Variants in ACTA2 observed in about 807,000 individuals in gnomAD.
The protein encoded by ACTA2 is actin, aortic smooth muscle.
A neutral mutation model predicts 39.5 loss-of-function variants in ACTA2; 12 were observed. That is an observed-to-expected ratio of 0.30 (90% confidence interval 0.19 to 0.49). The LOEUF is 0.49. Among genes scored for constraint, ACTA2 ranks in the 20% least tolerant of loss-of-function variants. ACTA2 has a pLI of 0.99. For synonymous variants in ACTA2, 158 were observed against 180.6 expected (o/e 0.88, Z 1.00); for missense variants, 236 against 498.8 (o/e 0.47, Z 5.02).
intron 3 of ACTA2, among the ~76,000 whole-genome samples, chr10:88,945,602 A>T (rs1845931691): frequency 6.6e-6 from 1 of 152,136 alleles, no homozygotes; most frequent in Non-Finnish European, 1.5e-5. Context: ...TCTTCTTCTC[A>T]TTAGCTCTTT....
intron 3 of ACTA2, among the ~76,000 whole-genome samples, chr10:88,944,211 C>T (rs2133262301): frequency 6.6e-6 from 1 of 152,258 alleles, no homozygotes; most frequent in South Asian, 2.1e-4. Context: ...CCAGCTCGGA[C>T]ACTTCTTAGT....
At chr10:88,950,602 A>G (rs1196795452) in intron 1 of ACTA2, among the ~76,000 whole-genome samples, 1 of 152,250 alleles carries the variant, frequency 6.6e-6, no homozygotes, top group Non-Finnish European at 1.5e-5. Flanking sequence ...AGGCTTAAGG[A>G]GTTGAAGTGA....
chr10:88,943,870 G>A lies in ACTA2; in HGVS notation c.296C>T (p.Ala99Val). The change falls in exon 4 of 9, where the codon GCC (alanine) becomes GTC (valine). Residue 99 changes from alanine (A) to valine (V), a missense_variant. Physicochemically the swap from Ala to Val is moderately conservative, Grantham distance 64. Transcript: ENST00000224784. Reference sequence around the variant, plus strand: ...GAGCAGGGTGGGATGCTCTTCAGGGGCAACACGAAGCTCATTGTAGAAAGA... The same window carrying A: ...GAGCAGGGTGGGATGCTCTTCAGGGACAACACGAAGCTCATTGTAGAAAGA... ...HHSFYNELRV[A>V]PEEHPTLLTE... 2.5e-6 allele frequency: 4 copies of A among 1,614,008 alleles called. No homozygotes were observed. Among genetic ancestry groups the A allele is most frequent in the Non-Finnish European group, 3.4e-6 (4 of 1,179,932 alleles).
At chr10:88,955,348 T>C (rs960949596), upstream of ACTA2, among the ~76,000 whole-genome samples, 9 of 152,242 alleles carry the variant, frequency 5.9e-5, no homozygotes, top group African/African-American at 2.2e-4. Context: ...AAATTGTTTT[T>C]TTCTAGACTG....
chr10:88,957,817 G>T (rs147632012), intron 1 of ACTA2, among the ~76,000 whole-genome samples: 1,527 of 152,120 alleles, frequency 0.01, 25 homozygotes, highest in African/African-American at 0.034. Flanking sequence ...ACCCAGGCTG[G>T]AGTGCAGTGG....
chr10:88,983,638 AACACACACAC>A lies in ACTA2; in HGVS notation c.-24+7291_-24+7300del, dbSNP rs755182708. 2.8e-4 allele frequency among the ~76,000 whole-genome samples: 29 copies of A among 102,880 alleles called. No individual in the cohort carries two copies. In the South Asian group the frequency reaches 8.7e-3, roughly 31 times the overall value. The allele number at this position is 102,880 out of a possible 152,430, so 67.5% of individuals were successfully genotyped here. A position where few individuals can be genotyped will look rare whatever the true frequency, so the allele number is the denominator to read the frequency against. On this transcript the variant is annotated intron_variant, in intron 1 of 4. Coordinates refer to the ACTA2 transcript ENST00000415557. Reference sequence around the variant, plus strand: ...AAAAAAAAAAAAAAAAAAAAAAAAAAACACACACACACACACACACACAAATGTTCTGGAC... The same window carrying A: ...AAAAAAAAAAAAAAAAAAAAAAAAAAACACACACACACAAATGTTCTGGAC...
At chr10:88,960,630 C>T (rs950541780) in intron 1 of ACTA2, among the ~76,000 whole-genome samples, 7 of 146,944 alleles carry the variant, frequency 4.8e-5, no homozygotes, top group African/African-American at 7.4e-5. Flanking sequence ...ACTGGTGGCC[C>T]GAAGGTTCCT....
chr10:88,968,771 C>T (rs568610581), intron 1 of ACTA2, among the ~76,000 whole-genome samples: 3 of 152,268 alleles, frequency 2.0e-5, no homozygotes, highest in South Asian at 4.1e-4. Context: ...TTGATATAGG[C>T]ATTTCTGTCC....
intron 3 of ACTA2, among the ~76,000 whole-genome samples, chr10:88,946,636 C>T (rs1845953274): frequency 6.6e-6 from 1 of 152,062 alleles, no homozygotes; most frequent in Admixed American, 6.5e-5. Context: ...AAGCGATCCT[C>T]CCACCTTGGC....
intron 4 of ACTA2, among the ~76,000 whole-genome samples, chr10:88,942,676 A>T (rs1845877249): frequency 1.3e-5 from 2 of 152,120 alleles, no homozygotes; most frequent in African/African-American, 4.8e-5. Flanking sequence ...CTCCATCTGT[A>T]AGACCCTTCC....
At chr10:88,987,118 G>C (rs1274683707) in intron 1 of ACTA2, among the ~76,000 whole-genome samples, 1 of 152,126 alleles carries the variant, frequency 6.6e-6, no homozygotes, top group African/African-American at 2.4e-5. Flanking sequence ...AATAGACTTT[G>C]TCACTTGGCC....
intron 1 of ACTA2, among the ~76,000 whole-genome samples, chr10:88,962,349 G>A (rs867728865): frequency 2.0e-5 from 3 of 152,168 alleles, no homozygotes; most frequent in Non-Finnish European, 2.9e-5. Context: ...CACAGCTCCA[G>A]TGCTTCCTGA....
chr10:88,990,861 G>A lies in ACTA2; in HGVS notation c.-24+78C>T, dbSNP rs1430682549. ...GTTGGGGAAGCTCTTTCACTTCGGA[G>A]GATTGCTCAACAACCATGCTGGGCA... On this transcript the variant is annotated intron_variant, in intron 1 of 4. Transcript: ENST00000415557. This position sits in a 1 kb window ranked among gnomAD's most constrained non-coding sequence, Gnocchi z 4.9. 1 of 1,614,126 alleles carries A rather than the reference G, an allele frequency of 6.2e-7. No individual in the cohort carries two copies. The highest frequency in any genetic ancestry group is 8.5e-7 in the Non-Finnish European group (1 of 1,180,060).
intron 1 of ACTA2, among the ~76,000 whole-genome samples, chr10:88,976,481 T>C (rs1846567660): frequency 6.6e-6 from 1 of 152,244 alleles, no homozygotes; most frequent in Non-Finnish European, 1.5e-5. Context: ...ATTAGTACAT[T>C]AATTACATTT....
intron 1 of ACTA2, among the ~76,000 whole-genome samples, chr10:88,981,110 T>C (rs1192065231): frequency 1.3e-5 from 2 of 152,150 alleles, no homozygotes; most frequent in African/African-American, 4.8e-5. Flanking sequence ...GGCCCAGCAA[T>C]ATCCAAGAGA....
Position 88,990,875 on chromosome 10 carries a change from C to G in ACTA2, c.-24+64G>C. ...TTCACTTCGGAGGATTGCTCAACAA[C>G]CATGCTGGGCATCTGGACCCTCCTA... On this transcript the variant is annotated intron_variant, in intron 1 of 4. Coordinates refer to the ACTA2 transcript ENST00000415557. The surrounding 1 kb of genome is among the most constrained non-coding windows in gnomAD (Gnocchi z 4.9). 6.2e-7 allele frequency: 1 copy of G among 1,614,242 alleles called. No individual in the cohort carries two copies. Among genetic ancestry groups the G allele is most frequent in the Non-Finnish European group, 8.5e-7 (1 of 1,180,040 alleles).
upstream of ACTA2, among the ~76,000 whole-genome samples, chr10:88,954,143 G>A (rs1589404285): frequency 6.6e-6 from 1 of 152,160 alleles, no homozygotes; most frequent in African/African-American, 2.4e-5. Flanking sequence ...GTGGACATGT[G>A]AGAAAAATCC....
At chr10:88,981,705 G>A (rs577130308) in intron 1 of ACTA2, among the ~76,000 whole-genome samples, 63 of 152,232 alleles carry the variant, frequency 4.1e-4, no homozygotes, top group Admixed American at 9.8e-4. Context: ...CTGGATGGGG[G>A]AAACGGTAGA....
intron 1 of ACTA2, among the ~76,000 whole-genome samples, chr10:88,984,822 T>C (rs1846827972): frequency 6.6e-6 from 1 of 152,186 alleles, no homozygotes; most frequent in South Asian, 2.1e-4. Context: ...GAGGCAATAA[T>C]GGGAGACCAT....
Sources: allele counts gnomAD v4.1 joint callset (sites outside exome capture counted in the v4.1 genomes callset), GRCh38; gene constraint gnomAD v4.1.1; non-coding constraint Gnocchi (gnomAD v3.1); transcripts MANE v1.5; gene names NCBI Gene and HGNC (gene_info 2026-07-23, HGNC 2026-07-21).